Variants in TRABD2B observed in about 807,000 individuals in gnomAD.
TRABD2B encodes the protein metalloprotease TIKI2.
TRABD2B carries 14 observed loss-of-function variants against 40.1 expected under a neutral mutation model. The observed-to-expected ratio is 0.35, with a 90% CI of 0.23 to 0.55. The LOEUF (loss-of-function observed/expected upper bound fraction) is 0.55. Ranked by LOEUF, TRABD2B falls within the 20% of genes least tolerant of loss-of-function variation. The pLI, the probability that TRABD2B is intolerant of heterozygous loss-of-function variation, is 0.90. For missense variants in TRABD2B, 541 were observed against 648.6 expected, an observed-to-expected ratio of 0.83 and a Z score of 1.80; for synonymous variants, 263 against 277.0, an observed-to-expected ratio of 0.95 and a Z score of 0.50.
At chr1:47,848,253 C>T (rs1364460777) in intron 2 of TRABD2B, among the ~76,000 whole-genome samples, 1 of 152,190 alleles carries the variant, frequency 6.6e-6, no homozygotes, top group African/African-American at 2.4e-5. Flanking sequence ...ATATTACCCC[C>T]AATTTTAGGT....
At chr1:47,789,015 A>G (rs1644634771) in intron 4 of TRABD2B, among the ~76,000 whole-genome samples, 1 of 152,212 alleles carries the variant, frequency 6.6e-6, no homozygotes, top group Non-Finnish European at 1.5e-5. Flanking sequence ...CTTCTAGTGC[A>G]TAAGACTGGA....
chr1:47,894,592 G>A (rs139231924), intron 2 of TRABD2B, among the ~76,000 whole-genome samples: 2 of 152,276 alleles, frequency 1.3e-5, no homozygotes, highest in East Asian at 3.9e-4. Flanking sequence ...ATGGCAGTCA[G>A]GAAGGCTTCT....
intron 2 of TRABD2B, among the ~76,000 whole-genome samples, chr1:47,990,073 T>A (rs1458312662): frequency 1.3e-5 from 2 of 152,236 alleles, no homozygotes; most frequent in African/African-American, 4.8e-5. Context: ...GGTATTGTGG[T>A]TTCTAACTCC....
At chr1:47,887,651 G>A (rs369835536) in intron 2 of TRABD2B, among the ~76,000 whole-genome samples, 1 of 152,128 alleles carries the variant, frequency 6.6e-6, no homozygotes, top group Non-Finnish European at 1.5e-5. Flanking sequence ...TGTGGATTGG[G>A]CCAAGGGCAC....
At chr1:47,877,830 T>C (rs565049385) in intron 2 of TRABD2B, among the ~76,000 whole-genome samples, 55 of 151,984 alleles carry the variant, frequency 3.6e-4, no homozygotes, top group African/African-American at 1.3e-3. Context: ...CTGTCTCTAA[T>C]ACAAATAAAA....
chr1:47,957,534 T>A (rs61296079), intron 2 of TRABD2B, among the ~76,000 whole-genome samples: 3,580 of 152,276 alleles, frequency 0.024, 109 homozygotes, highest in Admixed American at 0.09. Context: ...CTGATGGAGC[T>A]GAAAACCATG....
chr1:47,866,314 G>C (rs1044273772), intron 2 of TRABD2B, among the ~76,000 whole-genome samples: 1 of 152,134 alleles, frequency 6.6e-6, no homozygotes, highest in African/African-American at 2.4e-5. Flanking sequence ...GGCTGGCTAA[G>C]ACAGTCAAGA....
chr1:47,823,583 TG>T lies in TRABD2B; in HGVS notation c.667-21965del, dbSNP rs1423197787. Among the ~76,000 whole-genome samples the T allele has an allele frequency of 3.3e-5, 5 of 152,238 alleles. No individual in the cohort carries two copies. In the East Asian group the frequency reaches 7.7e-4, roughly 24 times the overall value. On this transcript the variant is annotated intron_variant, in intron 2 of 6. Transcript: ENST00000606738. ...CTAGAGAATGGATATGTGTGTTTGC[TG>T]GGGCTGTCAGAGCAGGGGGAGGTGC...
chr1:47,837,044 G>A (rs994464012), intron 2 of TRABD2B, among the ~76,000 whole-genome samples: 1 of 152,186 alleles, frequency 6.6e-6, no homozygotes, highest in Non-Finnish European at 1.5e-5. Context: ...TATTAGGTGT[G>A]GTGTTTGTTC....
chr1:47,818,098 G>A (rs1203182044), intron 2 of TRABD2B: 3 of 152,388 alleles, frequency 2.0e-5, no homozygotes, highest in Non-Finnish European at 4.4e-5. Context: ...GCTTCAGGGG[G>A]CGGCCAGGCG....
chr1:47,954,123 G>A (rs1411296770), intron 2 of TRABD2B, among the ~76,000 whole-genome samples: 1 of 152,208 alleles, frequency 6.6e-6, no homozygotes, highest in Admixed American at 6.5e-5. Context: ...GCCAGTGAGG[G>A]TCACTACAGA....
chr1:47,944,053 C>T (rs959415639), intron 2 of TRABD2B, among the ~76,000 whole-genome samples: 1 of 152,230 alleles, frequency 6.6e-6, no homozygotes, highest in African/African-American at 2.4e-5. Flanking sequence ...GGCCAGGGGC[C>T]ATCAAGGGAG....
chr1:47,784,474 C>T (rs1404512005), intron 4 of TRABD2B, among the ~76,000 whole-genome samples: 1 of 152,140 alleles, frequency 6.6e-6, no homozygotes, highest in Non-Finnish European at 1.5e-5. Context: ...CAAAGCAGCA[C>T]TGGCTCCCCC....
At chr1:47,814,621 G>A (rs2124370516) in intron 2 of TRABD2B, among the ~76,000 whole-genome samples, 1 of 152,250 alleles carries the variant, frequency 6.6e-6, no homozygotes, top group South Asian at 2.1e-4. Context: ...TTTTGAATCT[G>A]GGCCCTCCCC....
intron 2 of TRABD2B, among the ~76,000 whole-genome samples, chr1:47,979,296 C>A (rs1282347749): frequency 1.3e-5 from 2 of 152,184 alleles, no homozygotes; most frequent in Non-Finnish European, 2.9e-5. Flanking sequence ...GTACTCAAAG[C>A]CAGGTGTCAG....
At chr1:47,821,751 C>T (rs1001355019) in intron 2 of TRABD2B, among the ~76,000 whole-genome samples, 1 of 152,160 alleles carries the variant, frequency 6.6e-6, no homozygotes, top group Admixed American at 6.5e-5. Flanking sequence ...TTTAGGGCAG[C>T]AACCACCAGT....
chr1:47,902,225 C>A (rs184022225), intron 2 of TRABD2B, among the ~76,000 whole-genome samples: 8 of 152,296 alleles, frequency 5.3e-5, no homozygotes, highest in African/African-American at 1.7e-4. Context: ...TCATGGCTTG[C>A]GGTTCTGAGG....
chr1:47,953,034 C>G (rs1332557240), intron 2 of TRABD2B, among the ~76,000 whole-genome samples: 1 of 152,078 alleles, frequency 6.6e-6, no homozygotes, highest in East Asian at 1.9e-4. Flanking sequence ...ATCCATGGGG[C>G]AACTCAGCAA....
At chr1:47,920,810 C>T (rs1347517632) in intron 2 of TRABD2B, among the ~76,000 whole-genome samples, 1 of 152,140 alleles carries the variant, frequency 6.6e-6, no homozygotes. Flanking sequence ...ATGAATGACA[C>T]TATGGGAGAT....
Sources: gnomAD v4.1 joint callset for allele counts (sites outside exome capture counted in the v4.1 genomes callset) on GRCh38, gnomAD v4.1.1 for gene constraint, MANE v1.5 for transcripts, NCBI Gene and HGNC (gene_info 2026-07-23, HGNC 2026-07-21) for gene names.